Variants in PSMD14 observed in about 807,000 individuals in gnomAD.
The protein encoded by PSMD14 is ubiquitin C-terminal hydrolase PSMD14.
A neutral mutation model predicts 41.2 loss-of-function variants in PSMD14; 7 were observed. The ratio of observed to expected loss-of-function variants is 0.17; its 90% CI spans 0.10 to 0.32. The LOEUF (loss-of-function observed/expected upper bound fraction) is 0.32. PSMD14 is among the 10% of genes least tolerant of loss of function. PSMD14 has a pLI of 1.00. For synonymous variants in PSMD14, 114 were observed against 122.3 expected (o/e 0.93, Z 0.45); for missense variants, 139 against 375.6 (o/e 0.37, Z 5.21).
intron 11 of PSMD14, among the ~76,000 whole-genome samples, chr2:161,409,191 GATAA>G (rs1432585586): frequency 1.3e-5 from 2 of 151,986 alleles, no homozygotes; most frequent in African/African-American, 2.4e-5. Flanking sequence ...TTTACCTACA[GATAA>G]ATAAGATAAT....
At chr2:161,360,712 AT>A (rs1683278616) in intron 3 of PSMD14, among the ~76,000 whole-genome samples, 2 of 151,764 alleles carry the variant, frequency 1.3e-5, no homozygotes, top group Admixed American at 1.3e-4. Flanking sequence ...AATTTTTTGT[AT>A]TTTTAGTAGA....
intron 3 of PSMD14, among the ~76,000 whole-genome samples, chr2:161,336,838 G>A (rs541517073): frequency 6.6e-6 from 1 of 152,322 alleles, no homozygotes; most frequent in African/African-American, 2.4e-5. Flanking sequence ...GCCATCCAAA[G>A]TGCTGGGATT....
At position 161,358,505 on chromosome 2, in the gene PSMD14, C is replaced by T. The variant is rs532774930; in HGVS notation, c.49-8973C>T. Among the ~76,000 whole-genome samples, 85 of 152,234 alleles carry T rather than the reference C, an allele frequency of 5.6e-4. 2 individuals carry two copies. The South Asian group carries it at 0.015, about 27-fold the overall frequency. On this transcript the variant is annotated intron_variant, in intron 3 of 11. Transcript: ENST00000409682. ...TAAAAACCGTGCGCTGTCTCCTTTCCGCTAGGTAGCTCCTCCCAATCCTGA... is the reference window on the plus strand; with the variant it reads ...TAAAAACCGTGCGCTGTCTCCTTTCTGCTAGGTAGCTCCTCCCAATCCTGA...
intron 7 of PSMD14, among the ~76,000 whole-genome samples, chr2:161,377,169 G>T (rs1002264987): frequency 1.3e-5 from 2 of 151,826 alleles, no homozygotes; most frequent in Non-Finnish European, 2.9e-5. Context: ...ATAATTTTTT[G>T]ATCAGTATCC....
intron 3 of PSMD14, among the ~76,000 whole-genome samples, chr2:161,345,236 CTTTTTTT>C (rs869245727): frequency 5.3e-5 from 3 of 57,020 alleles, no homozygotes; most frequent in Non-Finnish European, 9.1e-5. Flanking sequence ...ATCTCTGTGT[CTTTTTTT>C]TTTTTTTTTT....
At chr2:161,320,771 G>A (rs1379801000) in intron 3 of PSMD14, among the ~76,000 whole-genome samples, 5 of 151,862 alleles carry the variant, frequency 3.3e-5, no homozygotes, top group Non-Finnish European at 5.9e-5. Context: ...TGTCGCCCAG[G>A]CTGGAATGCA....
chr2:161,312,391 C>G (rs1043658663), intron 1 of PSMD14, among the ~76,000 whole-genome samples: 1 of 152,000 alleles, frequency 6.6e-6, no homozygotes, highest in Non-Finnish European at 1.5e-5. Flanking sequence ...TGATCTGCCC[C>G]CCTCGGCCTC....
chr2:161,401,758 TTAA>T (rs1683882597), intron 10 of PSMD14, among the ~76,000 whole-genome samples: 1 of 144,706 alleles, frequency 6.9e-6, no homozygotes, highest in Admixed American at 7.1e-5. Context: ...TTAGGGCCAC[TTAA>T]TAAATCATGC....
intron 7 of PSMD14, among the ~76,000 whole-genome samples, chr2:161,373,423 C>G (rs1436678180): frequency 6.6e-6 from 1 of 151,818 alleles, no homozygotes; most frequent in Admixed American, 6.6e-5. Context: ...AATGCAACTT[C>G]ATCTTTAAGG....
At chr2:161,334,638 G>T (rs1334172953) in intron 3 of PSMD14, among the ~76,000 whole-genome samples, 1 of 152,236 alleles carries the variant, frequency 6.6e-6, no homozygotes, top group African/African-American at 2.4e-5. Flanking sequence ...AAGAGAAAAT[G>T]GGAACAGATG....
At chr2:161,394,086 C>G (rs1683757402) in intron 9 of PSMD14, among the ~76,000 whole-genome samples, 1 of 150,902 alleles carries the variant, frequency 6.6e-6, no homozygotes, top group South Asian at 2.1e-4. Flanking sequence ...ATTCTTCTGC[C>G]TCAGCCTCCC....
intron 3 of PSMD14, among the ~76,000 whole-genome samples, chr2:161,325,073 G>T (rs898577941): frequency 2.6e-5 from 4 of 152,084 alleles, no homozygotes; most frequent in Non-Finnish European, 5.9e-5. Context: ...GAAATTCTGT[G>T]TAAAATTAGG....
chr2:161,385,373 CAG>C, intron 7 of PSMD14, 89 bp from the exon 8 acceptor site: 1 of 580,024 alleles, frequency 1.7e-6, no homozygotes, highest in Non-Finnish European at 3.0e-6. Flanking sequence ...AGTCCAGAAA[CAG>C]ATGCACGTCG....
intron 3 of PSMD14, among the ~76,000 whole-genome samples, chr2:161,321,619 T>A (rs1489075743): frequency 6.6e-6 from 1 of 152,208 alleles, no homozygotes; most frequent in Non-Finnish European, 1.5e-5. Flanking sequence ...ATCCACACTT[T>A]GGACTGACAC....
intron 1 of PSMD14, among the ~76,000 whole-genome samples, chr2:161,315,267 A>G (rs1461854634): frequency 1.3e-5 from 2 of 152,246 alleles, no homozygotes; most frequent in African/African-American, 4.8e-5. Context: ...ACGAACAACA[A>G]AAAATTATCT....
In PSMD14 at chr2:161,367,464, G is replaced by A. The variant is rs759254806; in HGVS notation, c.49-14G>A. On this transcript the variant is annotated splice_polypyrimidine_tract_variant and intron_variant, in intron 3 of 11. Transcript: ENST00000409682. ...TGTGTTTGTTTTAATAATAATTGAT[G>A]TATTTGTTTCTAGGGGCCACCTACA... The A allele has an allele frequency of 3.8e-6, 6 of 1,564,280 alleles. No individual in the cohort carries two copies. The highest frequency in any genetic ancestry group is 5.2e-6 in the Non-Finnish European group (6 of 1,149,050).
intron 3 of PSMD14, chr2:161,341,153 G>A (rs1275366792): frequency 1.8e-5 from 19 of 1,038,638 alleles, no homozygotes; most frequent in Non-Finnish European, 2.2e-5. Context: ...GGGCGCAGGG[G>A]CGGGACGGCG....
At chr2:161,334,883 A>C (rs543991677) in intron 3 of PSMD14, among the ~76,000 whole-genome samples, 1 of 152,250 alleles carries the variant, frequency 6.6e-6, no homozygotes, top group African/African-American at 2.4e-5. Context: ...GTGTTTTTCT[A>C]TCTGTTCCCT....
At chr2:161,336,693 AGC>A in intron 3 of PSMD14, among the ~76,000 whole-genome samples, 1 of 152,072 alleles carries the variant, frequency 6.6e-6, no homozygotes, top group Non-Finnish European at 1.5e-5. Flanking sequence ...CTCCTGCCTC[AGC>A]CTCCTGAGTA....
Sources: allele counts gnomAD v4.1 joint callset (sites outside exome capture counted in the v4.1 genomes callset), GRCh38; gene constraint gnomAD v4.1.1; transcripts MANE v1.5; gene names NCBI Gene and HGNC (gene_info 2026-07-23, HGNC 2026-07-21).